Variants in LPCAT2 observed in about 807,000 individuals in gnomAD.
LPCAT2 encodes the protein 1-AGP acyltransferase 11.
A neutral mutation model predicts 64.7 loss-of-function variants in LPCAT2; 58 were observed. The ratio of observed to expected loss-of-function variants is 0.90; its 90% CI spans 0.73 to 1.12. LPCAT2 has a LOEUF of 1.12. Among genes scored for constraint, LPCAT2 ranks in the 50% most tolerant of loss-of-function variants. The pLI, the probability that LPCAT2 is intolerant of heterozygous loss-of-function variation, is 0.00. For synonymous variants in LPCAT2, 252 were observed against 245.3 expected, an observed-to-expected ratio of 1.03 and a Z score of -0.26; for missense variants, 579 against 669.8, an observed-to-expected ratio of 0.86 and a Z score of 1.50.
chr16:55,547,050 G>A (rs1416558960), intron 9 of LPCAT2, among the ~76,000 whole-genome samples: 2 of 152,100 alleles, frequency 1.3e-5, no homozygotes, highest in African/African-American at 4.8e-5. Context: ...AGGAGGCTGA[G>A]GCAGGAGAAT....
chr16:55,579,037 C>G (rs1352752685), intron 12 of LPCAT2, 72 bp from the exon 13 acceptor site: 1 of 1,436,054 alleles, frequency 7.0e-7, no homozygotes, highest in Admixed American at 1.9e-5. Flanking sequence ...TTATTAAAGA[C>G]TTTATTTTCC....
chr16:55,579,205 C>A lies in LPCAT2; in HGVS notation c.1411C>A (p.Leu471Ile). ...LGVPDLDVSG[L>I]FKEIAQGDSI... is the part of the protein sequence containing the mutation. ...AGTGCCTGACCTTGATGTTTCTGGT[C>A]TCTTCAAGGAAATAGCCCAAGGGGA... Residue 471 changes from leucine (L) to isoleucine (I), a missense_variant, in exon 13 of 14, where the codon CTC becomes ATC. Transcript: ENST00000262134. 6.2e-7 allele frequency: 1 copy of A among 1,613,470 alleles called. No individual in the cohort carries two copies. The highest frequency in any genetic ancestry group is 8.5e-7 in the Non-Finnish European group (1 of 1,179,648).
intron 2 of LPCAT2, 162 bp downstream of exon 2, chr16:55,525,809 C>T (rs1963163090): frequency 2.5e-6 from 1 of 405,184 alleles, no homozygotes. Context: ...GTTTTATCTG[C>T]CTACTCAATA....
chr16:55,523,458 G>A (rs1158996847), intron 1 of LPCAT2, among the ~76,000 whole-genome samples: 2 of 151,800 alleles, frequency 1.3e-5, no homozygotes, highest in Middle Eastern at 3.4e-3. Flanking sequence ...AAATGAAAAT[G>A]TATGGTCACA....
intron 11 of LPCAT2, among the ~76,000 whole-genome samples, chr16:55,555,579 T>C (rs1256828728): frequency 6.6e-6 from 1 of 152,260 alleles, no homozygotes; most frequent in Non-Finnish European, 1.5e-5. Context: ...TTTTCTTTTT[T>C]CCCAGAGCAC....
intron 11 of LPCAT2, among the ~76,000 whole-genome samples, chr16:55,558,101 T>C (rs1261085232): frequency 1.3e-5 from 2 of 152,242 alleles, no homozygotes; most frequent in African/African-American, 4.8e-5. Context: ...ACAGTTTCAT[T>C]GGGGATTAGT....
intron 11 of LPCAT2, chr16:55,567,488 G>T: frequency 6.2e-7 from 1 of 1,613,088 alleles, no homozygotes; most frequent in South Asian, 1.1e-5. Flanking sequence ...GGCTGCAGTT[G>T]ACCATGTATT....
At chr16:55,528,001 T>C (rs1274187703) in intron 2 of LPCAT2, among the ~76,000 whole-genome samples, 1 of 152,202 alleles carries the variant, frequency 6.6e-6, no homozygotes, top group Non-Finnish European at 1.5e-5. Flanking sequence ...AGGGGATGTG[T>C]GTTGAGAATT....
intron 8 of LPCAT2, chr16:55,539,667 G>A (rs1963372402): frequency 1.3e-5 from 2 of 152,104 alleles, no homozygotes; most frequent in South Asian, 4.1e-4. Flanking sequence ...CTCTGTAAGA[G>A]CTGGGCCATC....
intron 11 of LPCAT2, among the ~76,000 whole-genome samples, chr16:55,568,142 C>A (rs1283648858): frequency 4.0e-5 from 2 of 50,470 alleles, no homozygotes; most frequent in Non-Finnish European, 8.8e-5. Context: ...AATTCTGTTT[C>A]TTTAGTAAAA....
At chr16:55,562,118 A>C (rs1963643181) in intron 11 of LPCAT2, among the ~76,000 whole-genome samples, 1 of 152,004 alleles carries the variant, frequency 6.6e-6, no homozygotes, top group Non-Finnish European at 1.5e-5. Context: ...GCCACATAGC[A>C]GTTCAAACCC....
chr16:55,567,279 C>T (rs981036666), intron 11 of LPCAT2: 67 of 1,613,460 alleles, frequency 4.2e-5, no homozygotes, highest in East Asian at 6.7e-5. Flanking sequence ...TTCTCAGCTG[C>T]GGGGAGCTCT....
intron 13 of LPCAT2, among the ~76,000 whole-genome samples, chr16:55,580,913 G>A (rs1320673294): frequency 6.6e-6 from 1 of 152,146 alleles, no homozygotes; most frequent in Non-Finnish European, 1.5e-5. Context: ...TTGATGATCT[G>A]AGGTTGAACA....
intron 1 of LPCAT2, 51 bp from the exon 2 acceptor site, chr16:55,525,457 A>G (rs376930503): frequency 1.6e-5 from 25 of 1,529,728 alleles, no homozygotes; most frequent in Non-Finnish European, 2.1e-5. Context: ...TTTGATAGCC[A>G]TGAATTAAAA....
intron 1 of LPCAT2, 106 bp downstream of exon 1, chr16:55,509,458 G>A (rs2142383564): frequency 8.3e-7 from 1 of 1,202,856 alleles, no homozygotes; most frequent in East Asian, 3.1e-5. Flanking sequence ...GCCGAGGGGG[G>A]CGTGGGTCTG....
At chr16:55,532,913 T>G in intron 6 of LPCAT2, 31 bp downstream of exon 6, 1 of 1,568,056 alleles carries the variant, frequency 6.4e-7, no homozygotes, top group Non-Finnish European at 8.8e-7. Context: ...CAGGAAGAAT[T>G]TCAGTATTCC....
chr16:55,529,906 G>T lies in LPCAT2; in HGVS notation c.601G>T (p.Glu201Ter), dbSNP rs768233963. 1.2e-6 allele frequency: 2 copies of T among 1,607,696 alleles called. No homozygotes were observed. Among genetic ancestry groups the T allele is most frequent in the Non-Finnish European group, 1.7e-6 (2 of 1,177,514 alleles). ...DPDSRKNTINEIIKRTTSGGE... is the reference protein window; with the variant it reads ...DPDSRKNTIN ...GGATTCCCGAAAAAACACAATAAAT[G>T]AAATAATAAAGCGAACAACATCAGG... Residue 201 changes from glutamate (E) to a stop codon, truncating the protein, a stop_gained, in exon 4 of 14, where the codon GAA (glutamate) becomes TAA (stop). Transcript: ENST00000262134. LOFTEE classifies it high-confidence loss of function.
chr16:55,549,511 G>A lies in LPCAT2; in HGVS notation c.1061+109G>A, dbSNP rs1431498022. 234 of 1,068,918 alleles carry A rather than the reference G, an allele frequency of 2.2e-4. 1 individual carries two copies. The East Asian group carries it at 6.6e-3, about 30-fold the overall frequency. 66.2% of individuals were successfully genotyped at this position (1,068,918 alleles called of 1,614,324 possible). ...AATGCTCAGCTCTAGTTCCCATTTG[G>A]TGTATATTAGGAAAGTCAGAGTTGA... On this transcript the variant is annotated intron_variant, in intron 10 of 13. Coordinates refer to ENST00000262134, the MANE Select transcript of LPCAT2 (RefSeq NM_017839.5).
At chr16:55,565,150 A>G (rs534997528) in intron 11 of LPCAT2, among the ~76,000 whole-genome samples, 51 of 152,074 alleles carry the variant, frequency 3.4e-4, no homozygotes, top group African/African-American at 9.1e-4. Flanking sequence ...ACAATGTTAT[A>G]CCACTTTACA....
Sources: allele counts gnomAD v4.1 joint callset (sites outside exome capture counted in the v4.1 genomes callset), GRCh38; gene constraint gnomAD v4.1.1; transcripts MANE v1.5; gene names NCBI Gene and HGNC (gene_info 2026-07-23, HGNC 2026-07-21).